PAWR: variants seen among roughly 807,000 people sequenced by gnomAD.
PAWR encodes pro-apoptotic WT1 regulator.
Under a neutral mutation model 32.0 loss-of-function variants are expected in PAWR, and 23 were observed. That is an observed-to-expected ratio of 0.72 (90% CI 0.52 to 1.02). PAWR has a LOEUF of 1.02. PAWR is among the 50% of genes least tolerant of loss of function. PAWR has a pLI of 0.00. For synonymous variants in PAWR, 226 were observed against 187.1 expected (o/e 1.21, Z -1.70); for missense variants, 457 against 437.7 (o/e 1.04, Z -0.39).
chr12:79,609,978 C>T (rs528008160), intron 4 of PAWR, among the ~76,000 whole-genome samples: 1 of 152,334 alleles, frequency 6.6e-6, no homozygotes, highest in South Asian at 2.1e-4. Flanking sequence ...TCATTCCTGC[C>T]AGGGTCCAAA....
Position 79,585,181 on chromosome 12 carries a change from A to C in PAWR, c.*7426T>G, listed in dbSNP as rs1440736188. On this transcript the variant is annotated 3_prime_UTR_variant, in exon 7 of 7. Transcript: ENST00000328827. ...CAAAACAAAACAAAAACAAACAAAA[A>C]ACAAGTTCATGTTATTTCTACAATG... 1 of 451,912 alleles carries C rather than the reference A, an allele frequency of 2.2e-6. No homozygotes were observed. Among genetic ancestry groups the C allele is most frequent in the Non-Finnish European group, 4.4e-6 (1 of 225,710 alleles). 28.0% of individuals were successfully genotyped at this position (451,912 alleles called of 1,614,324 possible).
Position 79,592,664 on chromosome 12 carries a change from T to A in PAWR, c.966A>T (p.Glu322Asp). 1 of 766,848 alleles carries A rather than the reference T, an allele frequency of 1.3e-6. No homozygotes were observed. The allele number at this position is 766,848 out of a possible 1,614,324, so 47.5% of individuals were successfully genotyped here. The change falls in exon 7 of 7, where the codon GAA becomes GAT. Residue 322 changes from glutamate (E) to aspartate (D), a missense_variant. Coordinates refer to ENST00000328827, the MANE Select transcript of PAWR (RefSeq NM_002583.4). ...GAGTTTTATTTTCCTGCTTTAGCTG[T>A]TCATTTTCATCTTCTATGTCATCTA... ...RDLDDIEDENEQLKQENKTLL... is the reference protein window; with the variant it reads ...RDLDDIEDENDQLKQENKTLL...
In PAWR at chr12:79,592,548, G is replaced by A; in HGVS notation, c.*59C>T. ...AGCATAGGAATATTGTGCTAGCATT[G>A]ACCATTAACATTCAATCAGTAGTTT... On this transcript the variant is annotated 3_prime_UTR_variant, in exon 7 of 7. Transcript: ENST00000328827. 1 of 724,690 alleles carries A rather than the reference G, an allele frequency of 1.4e-6. No individual in the cohort carries two copies. Among genetic ancestry groups the A allele is most frequent in the Non-Finnish European group, 2.5e-6 (1 of 401,482 alleles). 44.9% of individuals were successfully genotyped at this position (724,690 alleles called of 1,614,324 possible).
chr12:79,673,553 T>A (rs746859664), intron 2 of PAWR, among the ~76,000 whole-genome samples: 1 of 152,154 alleles, frequency 6.6e-6, no homozygotes, highest in South Asian at 2.1e-4. Context: ...ACCAGCCTTA[T>A]TGTGCCCCTC....
At chr12:79,618,003 G>A (rs777867303) in intron 3 of PAWR, among the ~76,000 whole-genome samples, 4 of 152,164 alleles carry the variant, frequency 2.6e-5, no homozygotes, top group Non-Finnish European at 5.9e-5. Context: ...CCATGCTTGT[G>A]TAGCCTGTAG....
intron 2 of PAWR, among the ~76,000 whole-genome samples, chr12:79,677,322 G>C (rs1241600183): frequency 6.6e-6 from 1 of 152,052 alleles, no homozygotes; most frequent in Non-Finnish European, 1.5e-5. Context: ...TTTGTGGGTG[G>C]CTTCAAATAA....
chr12:79,616,093 T>C (rs1185264602), intron 3 of PAWR, among the ~76,000 whole-genome samples: 1 of 151,706 alleles, frequency 6.6e-6, no homozygotes, highest in Non-Finnish European at 1.5e-5. Flanking sequence ...CCCCTGGTAG[T>C]TTCACAAACG....
chr12:79,611,360 A>C (rs1040705456), intron 4 of PAWR, among the ~76,000 whole-genome samples: 1 of 149,326 alleles, frequency 6.7e-6, no homozygotes, highest in Non-Finnish European at 1.5e-5. Flanking sequence ...TATATAAAAA[A>C]TAAGTTATTA....
At chr12:79,639,836 TC>T (rs1876200340) in intron 2 of PAWR, among the ~76,000 whole-genome samples, 1 of 69,424 alleles carries the variant, frequency 1.4e-5, no homozygotes, top group Non-Finnish European at 3.1e-5. Flanking sequence ...CCTTTTCCAT[TC>T]CTATTCCTAT....
chr12:79,627,410 A>G (rs1292619511), intron 2 of PAWR, among the ~76,000 whole-genome samples: 1 of 152,092 alleles, frequency 6.6e-6, no homozygotes, highest in East Asian at 1.9e-4. Context: ...GTCTGTTCAT[A>G]TCCTTCGCCC....
At chr12:79,595,247 T>C (rs1248070436) in intron 5 of PAWR, among the ~76,000 whole-genome samples, 1 of 152,210 alleles carries the variant, frequency 6.6e-6, no homozygotes, top group African/African-American at 2.4e-5. Context: ...AGATTACTGA[T>C]TTTTAATTTT....
intron 4 of PAWR, among the ~76,000 whole-genome samples, chr12:79,608,534 C>T (rs992094375): frequency 1.3e-5 from 2 of 152,164 alleles, no homozygotes; most frequent in Non-Finnish European, 2.9e-5. Flanking sequence ...TCCTAACAGG[C>T]CACAGACAGG....
chr12:79,685,882 T>C (rs1410042602), intron 2 of PAWR, among the ~76,000 whole-genome samples: 1 of 152,208 alleles, frequency 6.6e-6, no homozygotes, highest in African/African-American at 2.4e-5. Context: ...CCTAGATATA[T>C]ACATACACAC....
In PAWR at chr12:79,689,730, T is replaced by C; in HGVS notation, c.515A>G (p.Glu172Gly). Residue 172 changes from glutamate to glycine, a missense_variant and splice_region_variant, in exon 2 of 7, where the codon GAG (glutamate) becomes GGG (glycine). Glu to Gly is a moderately conservative substitution (Grantham distance 98). Transcript: ENST00000328827. Reference sequence around the variant, plus strand: ...GGCTGCGGCCCCCGCCCGGCTCACCTCTGCGGCAGGGATGTTGACCACGCC... The same window carrying C: ...GGCTGCGGCCCCCGCCCGGCTCACCCCTGCGGCAGGGATGTTGACCACGCC... ...STGVVNIPAAECLDEYEDDEA... is the reference protein window; with the variant it reads ...STGVVNIPAAGCLDEYEDDEA... 6.4e-7 allele frequency: 1 copy of C among 1,554,222 alleles called. No individual in the cohort carries two copies.
chr12:79,667,788 G>T (rs1417525849), intron 2 of PAWR, among the ~76,000 whole-genome samples: 2 of 152,000 alleles, frequency 1.3e-5, no homozygotes, highest in African/African-American at 4.8e-5. Context: ...ATAAAAATTG[G>T]AGGAAATCAA....
At chr12:79,638,863 CATATATATATATATATAT>C (rs1555237600) in intron 2 of PAWR, among the ~76,000 whole-genome samples, 7 of 8,156 alleles carry the variant, frequency 8.6e-4, no homozygotes, top group East Asian at 6.6e-3. Flanking sequence ...GAGATGGAGT[CATATATATATATATATAT>C]ATATATATAT....
chr12:79,627,418 C>T (rs1875389839), intron 2 of PAWR, among the ~76,000 whole-genome samples: 1 of 152,128 alleles, frequency 6.6e-6, no homozygotes, highest in African/African-American at 2.4e-5. Flanking sequence ...ATATCCTTCG[C>T]CCACTTTTTG....
chr12:79,602,779 T>C (rs1874013845), intron 4 of PAWR, among the ~76,000 whole-genome samples: 1 of 151,600 alleles, frequency 6.6e-6, no homozygotes, highest in African/African-American at 2.4e-5. Flanking sequence ...AATTTTTTTT[T>C]TTTTTTTTTT....
At chr12:79,651,714 G>A (rs989099547) in intron 2 of PAWR, among the ~76,000 whole-genome samples, 17 of 144,212 alleles carry the variant, frequency 1.2e-4, no homozygotes, top group Non-Finnish European at 1.4e-4. Flanking sequence ...GGGGGCTGGG[G>A]GGGTGGGGCC....
Sources: gnomAD v4.1 joint callset for allele counts (sites outside exome capture counted in the v4.1 genomes callset) on GRCh38, gnomAD v4.1.1 for gene constraint, MANE v1.5 for transcripts, NCBI Gene and HGNC (gene_info 2026-07-23, HGNC 2026-07-21) for gene names.